Variants in LCN12 observed in about 807,000 individuals in gnomAD.
LCN12 encodes epididymal-specific lipocalin-12.
In LCN12, 15 loss-of-function variants were observed where a neutral mutation model predicts 23.7. That is an observed-to-expected ratio of 0.63 (90% CI 0.42 to 0.97). The LOEUF (loss-of-function observed/expected upper bound fraction) is 0.97. Among genes scored for constraint, LCN12 ranks in the 50% least tolerant of loss-of-function variants. The pLI is 0.00. For synonymous variants in LCN12, 116 were observed against 111.5 expected (o/e 1.04, Z -0.25); for missense variants, 219 against 249.6 (o/e 0.88, Z 0.83).
chr9:136,950,633 G>A (rs1851130614), upstream of LCN12, among the ~76,000 whole-genome samples: 1 of 152,204 alleles, frequency 6.6e-6, no homozygotes, highest in Non-Finnish European at 1.5e-5. Context: ...GCTGCGGACA[G>A]GCGCTCCTAG....
upstream of LCN12, among the ~76,000 whole-genome samples, chr9:136,949,968 G>C (rs949510688): frequency 6.6e-6 from 1 of 152,170 alleles, no homozygotes; most frequent in Non-Finnish European, 1.5e-5. Context: ...ACTGGCGTGT[G>C]CTGCCGCGCC....
chr9:136,956,465 G>A (rs1003361184), downstream of LCN12, among the ~76,000 whole-genome samples: 3 of 152,158 alleles, frequency 2.0e-5, no homozygotes, highest in East Asian at 1.9e-4. Flanking sequence ...CTGCCCTGAC[G>A]GCCCCAACGA....
chr9:136,949,200 C>T (rs2131370706), upstream of LCN12, among the ~76,000 whole-genome samples: 1 of 152,310 alleles, frequency 6.6e-6, no homozygotes, highest in East Asian at 1.9e-4. Flanking sequence ...CAAGATCTGA[C>T]TGGGTGGGCA....
At chr9:136,954,123 A>C (rs1230831716) in intron 4 of LCN12, 31 bp from the exon 5 acceptor site, 2 of 1,530,072 alleles carry the variant, frequency 1.3e-6, no homozygotes, top group Non-Finnish European at 8.8e-7. Flanking sequence ...TGCCAAGTGC[A>C]CAGACCCATG....
At chr9:136,952,114 A>G (rs1004002079), upstream of LCN12, among the ~76,000 whole-genome samples, 2 of 140,996 alleles carry the variant, frequency 1.4e-5, no homozygotes, top group African/African-American at 5.2e-5. Flanking sequence ...CTGGAACCCA[A>G]GAGACCGCAG....
intron 5 of LCN12, 97 bp downstream of exon 5, chr9:136,954,352 C>A (rs866762896): frequency 7.4e-7 from 1 of 1,346,450 alleles, no homozygotes; most frequent in Non-Finnish European, 1.0e-6. Context: ...AGTGTCTACC[C>A]AGGGAGCTCA....
intron 1 of LCN12, 131 bp downstream of exon 1, chr9:136,952,572 G>A: frequency 2.8e-6 from 2 of 704,886 alleles, no homozygotes; most frequent in African/African-American, 1.8e-5. Flanking sequence ...CCCCCAGGCG[G>A]GCCCCTGACC....
chr9:136,950,631 C>T (rs1448528296), upstream of LCN12, among the ~76,000 whole-genome samples: 1 of 152,234 alleles, frequency 6.6e-6, no homozygotes, highest in Non-Finnish European at 1.5e-5. Flanking sequence ...GGGCTGCGGA[C>T]AGGCGCTCCT....
At chr9:136,955,083 C>T in intron 5 of LCN12, 1 of 1,411,552 alleles carries the variant, frequency 7.1e-7, no homozygotes. Flanking sequence ...CTCGCTATGC[C>T]AGGCCTCCTG....
chr9:136,953,347 CTGT>C, intron 2 of LCN12: 1 of 98,116 alleles, frequency 1.0e-5, no homozygotes. Context: ...TGGCTCACAC[CTGT>C]AATCCTAGCA....
intron 5 of LCN12, chr9:136,954,750 CCCTGGGTGGCAGCCCCAG>C: frequency 7.7e-7 from 1 of 1,291,354 alleles, no homozygotes; most frequent in Non-Finnish European, 1.0e-6. Context: ...CAGCAGCCTG[CCCTGGGTGGCAGCCCCAG>C]CCTGACCACT....
chr9:136,952,995 A>G lies in LCN12; in HGVS notation c.218A>G (p.Asp73Gly). Residue 73 changes from aspartate (D) to glycine (G), a missense_variant, in exon 2 of 6, where the codon GAT becomes GGT. Physicochemically the swap from Asp to Gly is moderately conservative, Grantham distance 94. Transcript: ENST00000371633. The stretch of plus-strand genomic sequence containing the variant: ...ACCGCAACTTTTGAGCTAAGTGATG[A>G]TGGCCGCTTTGAGGTGTGGAATGCG... ...AFTATFELSD[D>G]GRFEVWNAMT... The G allele has an allele frequency of 6.2e-7, 1 of 1,614,020 alleles. No homozygotes were observed. The highest frequency in any genetic ancestry group is 2.2e-5 in the East Asian group (1 of 44,882).
intron 2 of LCN12, 74 bp from the exon 3 acceptor site, chr9:136,953,626 C>T (rs1434596644): frequency 1.7e-6 from 2 of 1,147,422 alleles, no homozygotes; most frequent in Non-Finnish European, 2.4e-6. Context: ...TGGCTGAAAT[C>T]TCCTGAGGGG....
intron 4 of LCN12, 23 bp from the exon 5 acceptor site, chr9:136,954,131 A>T: frequency 6.5e-7 from 1 of 1,536,438 alleles, no homozygotes; most frequent in Non-Finnish European, 8.8e-7. Context: ...GCACAGACCC[A>T]TGCTGGGCTC....
At chr9:136,956,501 C>T (rs936455826), downstream of LCN12, among the ~76,000 whole-genome samples, 4 of 152,238 alleles carry the variant, frequency 2.6e-5, no homozygotes, top group Admixed American at 1.3e-4. Context: ...TCAAGTCAAA[C>T]GACACCAGCT....
intron 4 of LCN12, 88 bp from the exon 5 acceptor site, chr9:136,954,065 TG>T: frequency 1.3e-6 from 2 of 1,533,336 alleles, no homozygotes; most frequent in Non-Finnish European, 1.8e-6. Context: ...TGGAGTGACT[TG>T]GGGGTACAGA....
At chr9:136,953,640 A>T in intron 2 of LCN12, 60 bp from the exon 3 acceptor site, 16 of 1,309,614 alleles carry the variant, frequency 1.2e-5, no homozygotes, top group Non-Finnish European at 1.5e-5. Flanking sequence ...TGAGGGGCCC[A>T]CCTCAGCATG....
rs1851256696 is a variant in LCN12 at position 136,954,250 on chromosome 9, T to G, written c.545T>G (p.Val182Gly). ...GATGACAACATCGTCTTCCCAGATG[T>G]GACTGGTAACATGGTTCACCTGCAG... The part of the protein sequence containing the change: ...LSDDNIVFPD[V>G]TGWSPQASVC Residue 182 changes from valine to glycine, a missense_variant, in exon 5 of 6, where the codon GTG becomes GGG. By Grantham distance (109) the Val-to-Gly change is moderately radical. Transcript: ENST00000371633. 6.4e-7 allele frequency: 1 copy of G among 1,566,326 alleles called. No homozygotes were observed.
At chr9:136,955,003 T>C in intron 5 of LCN12, 1 of 1,353,514 alleles carries the variant, frequency 7.4e-7, no homozygotes. Flanking sequence ...CCACTCACAC[T>C]GGCACACATG....
Sources: gnomAD v4.1 joint callset for allele counts (sites outside exome capture counted in the v4.1 genomes callset) on GRCh38, gnomAD v4.1.1 for gene constraint, MANE v1.5 for transcripts, NCBI Gene and HGNC (gene_info 2026-07-23, HGNC 2026-07-21) for gene names.